SEMA3E: variants seen among roughly 807,000 people sequenced by gnomAD.
SEMA3E encodes the protein semaphorin 3E, also known as semaphorin-3E.
SEMA3E carries 49 observed loss-of-function variants against 93.6 expected under a neutral mutation model. The observed-to-expected ratio is 0.52, with a 90% CI of 0.42 to 0.66. The LOEUF (loss-of-function observed/expected upper bound fraction) is 0.66, where lower values mean the gene tolerates loss of function less well. Ranked by LOEUF, SEMA3E falls within the 30% of genes least tolerant of loss-of-function variation. SEMA3E has a pLI of 0.00. For missense variants in SEMA3E, 906 were observed against 964.8 expected, an observed-to-expected ratio of 0.94 and a Z score of 0.81; for synonymous variants, 363 against 330.7, an observed-to-expected ratio of 1.10 and a Z score of -1.06.
At chr7:83,633,452 A>G (rs1394436050) in intron 1 of SEMA3E, among the ~76,000 whole-genome samples, 1 of 152,230 alleles carries the variant, frequency 6.6e-6, no homozygotes, top group Non-Finnish European at 1.5e-5. Context: ...ACATTGGAAA[A>G]AAATTAGCAA....
At chr7:83,411,364 T>G (rs1427478600) in intron 5 of SEMA3E, among the ~76,000 whole-genome samples, 1 of 152,066 alleles carries the variant, frequency 6.6e-6, no homozygotes, top group Non-Finnish European at 1.5e-5. Flanking sequence ...ACTATATAGG[T>G]GCTAAAAACT....
intron 2 of SEMA3E, among the ~76,000 whole-genome samples, chr7:83,479,974 T>C (rs954557253): frequency 2.6e-5 from 4 of 152,150 alleles, no homozygotes; most frequent in African/African-American, 7.2e-5. Flanking sequence ...ATGATGAATA[T>C]GAATAACTAA....
chr7:83,543,367 T>TTTTA (rs1003939794), intron 1 of SEMA3E, among the ~76,000 whole-genome samples: 16 of 151,962 alleles, frequency 1.1e-4, no homozygotes, highest in Admixed American at 2.0e-4. Context: ...ACTTTTTTTT[T>TTTTA]ATTAAACAAG....
intron 16 of SEMA3E, among the ~76,000 whole-genome samples, chr7:83,378,641 T>C (rs552448976): frequency 2.6e-5 from 4 of 152,024 alleles, no homozygotes; most frequent in African/African-American, 9.6e-5. Flanking sequence ...GTCCTCGTTT[T>C]ATGCATTGTT....
At chr7:83,420,783 G>T (rs570453045) in intron 4 of SEMA3E, among the ~76,000 whole-genome samples, 123 of 152,318 alleles carry the variant, frequency 8.1e-4, no homozygotes, top group African/African-American at 2.7e-3. Flanking sequence ...GCAGAAGAAT[G>T]AAATGGGGCT....
chr7:83,580,845 A>AT (rs1241423192), intron 1 of SEMA3E, among the ~76,000 whole-genome samples: 1 of 152,092 alleles, frequency 6.6e-6, no homozygotes, highest in East Asian at 1.9e-4. Context: ...TGCTGTGAAT[A>AT]TTTGTTCAAT....
At chr7:83,398,617 T>C (rs1400252801) in intron 11 of SEMA3E, among the ~76,000 whole-genome samples, 2 of 152,154 alleles carry the variant, frequency 1.3e-5, no homozygotes, top group African/African-American at 2.4e-5. Flanking sequence ...AAGAATAAGA[T>C]AGATGTTTTC....
At chr7:83,596,397 C>G (rs1792872779) in intron 1 of SEMA3E, among the ~76,000 whole-genome samples, 1 of 151,994 alleles carries the variant, frequency 6.6e-6, no homozygotes. Flanking sequence ...ACTGGATATG[C>G]TCATTACTAA....
intron 1 of SEMA3E, among the ~76,000 whole-genome samples, chr7:83,530,225 G>A (rs1201003575): frequency 2.6e-5 from 4 of 152,068 alleles, no homozygotes; most frequent in Non-Finnish European, 4.4e-5. Flanking sequence ...ATAACCCTGT[G>A]AGTAGGTAAT....
chr7:83,600,911 T>C (rs537773745), intron 1 of SEMA3E, among the ~76,000 whole-genome samples: 250 of 152,244 alleles, frequency 1.6e-3, no homozygotes, highest in African/African-American at 5.8e-3. Context: ...TCTCAGAAAC[T>C]TATGAATATG....
At chr7:83,469,374 T>G in intron 2 of SEMA3E, 72 bp from the exon 3 acceptor site, 1 of 1,075,830 alleles carries the variant, frequency 9.3e-7, no homozygotes, top group Non-Finnish European at 1.4e-6. Flanking sequence ...CCATTTCACT[T>G]TCTTCTACAG....
intron 5 of SEMA3E, among the ~76,000 whole-genome samples, chr7:83,408,891 G>C (rs1788380270): frequency 6.6e-6 from 1 of 152,036 alleles, no homozygotes; most frequent in African/African-American, 2.4e-5. Context: ...CATTATGATT[G>C]TTATTGTGAT....
At chr7:83,400,453 T>C (rs1788216514) in intron 10 of SEMA3E, among the ~76,000 whole-genome samples, 1 of 152,090 alleles carries the variant, frequency 6.6e-6, no homozygotes, top group Non-Finnish European at 1.5e-5. Context: ...GTTATATAGG[T>C]AAACTCATGT....
At chr7:83,494,623 A>G (rs2713191) in intron 1 of SEMA3E, among the ~76,000 whole-genome samples, 132,923 of 151,826 alleles carry the variant, frequency 0.88, 58,371 homozygotes, top group South Asian at 0.95. Flanking sequence ...ATCGGAAAAC[A>G]AACAGAAGCC....
chr7:83,519,409 A>T (rs187732977), intron 1 of SEMA3E, among the ~76,000 whole-genome samples: 39 of 152,272 alleles, frequency 2.6e-4, no homozygotes, highest in Admixed American at 1.6e-3. Context: ...TTGTTTTAGC[A>T]TGACTCAAGC....
intron 4 of SEMA3E, among the ~76,000 whole-genome samples, chr7:83,431,759 G>C (rs910030431): frequency 1.3e-5 from 2 of 152,138 alleles, no homozygotes; most frequent in African/African-American, 4.8e-5. Context: ...TTTGGCAATT[G>C]GTGTTAATAA....
chr7:83,451,284 A>G (rs1789353265), intron 4 of SEMA3E, among the ~76,000 whole-genome samples: 2 of 152,190 alleles, frequency 1.3e-5, no homozygotes, highest in South Asian at 4.1e-4. Context: ...AGACTAATAC[A>G]GGGGGACTTG....
At chr7:83,613,765 A>G (rs1454403901) in intron 1 of SEMA3E, among the ~76,000 whole-genome samples, 1 of 152,088 alleles carries the variant, frequency 6.6e-6, no homozygotes, top group Non-Finnish European at 1.5e-5. Context: ...AAAATAAAAT[A>G]CTTTTCATGT....
chr7:83,588,425 G>A (rs1348985020), intron 1 of SEMA3E, among the ~76,000 whole-genome samples: 3 of 151,976 alleles, frequency 2.0e-5, no homozygotes, highest in African/African-American at 7.2e-5. Context: ...CTCTGTAGTT[G>A]AAAACCTGGG....
Sources: allele counts gnomAD v4.1 joint callset (sites outside exome capture counted in the v4.1 genomes callset), GRCh38; gene constraint gnomAD v4.1.1; transcripts MANE v1.5; gene names NCBI Gene and HGNC (gene_info 2026-07-23, HGNC 2026-07-21).